The following C5orf22 variants were observed in gnomAD, a reference collection of about 807,000 sequenced individuals.
The protein encoded by C5orf22 is UPF0489 protein C5orf22.
C5orf22 carries 36 observed loss-of-function variants against 48.7 expected under a neutral mutation model. The ratio of observed to expected loss-of-function variants is 0.74; its 90% CI spans 0.57 to 0.98. The LOEUF (loss-of-function observed/expected upper bound fraction) is 0.98. C5orf22 is among the 50% of genes least tolerant of loss of function. The pLI, the probability that C5orf22 is intolerant of heterozygous loss-of-function variation, is 0.00. For synonymous variants in C5orf22, 141 were observed against 180.8 expected (o/e 0.78, Z 1.76); for missense variants, 486 against 521.9 (o/e 0.93, Z 0.67).
chr5:31,550,225 G>A (rs1743165537), intron 7 of C5orf22, among the ~76,000 whole-genome samples: 2 of 152,094 alleles, frequency 1.3e-5, no homozygotes, highest in South Asian at 4.1e-4. Flanking sequence ...TTGCACTTGC[G>A]TACTCTAGGC....
intron 8 of C5orf22, among the ~76,000 whole-genome samples, chr5:31,552,194 T>C (rs10042915): frequency 0.046 from 6,971 of 152,236 alleles, 347 homozygotes; most frequent in African/African-American, 0.13. Flanking sequence ...AATACAGATA[T>C]CTGCCCCAAC....
At position 31,535,839 on chromosome 5, in the gene C5orf22, G is replaced by C; in HGVS notation, c.323G>C (p.Arg108Thr). 6.2e-7 allele frequency: 1 copy of C among 1,613,804 alleles called. No individual in the cohort carries two copies. The change falls in exon 3 of 9, where the codon AGA becomes ACA. Residue 108 changes from arginine to threonine, a missense_variant. Arg to Thr is a moderately conservative substitution (Grantham distance 71). This residue lies in a region of C5orf22 where 408 missense variants were observed against 444.0 expected (regional missense o/e 0.92). Transcript: ENST00000325366. The part of the protein sequence containing the change: ...WFHPTWAQQI[R>T]EGRHHFLVGK... ...CATCCCACATGGGCTCAGCAGATCA[G>C]AGAGGGCAGACACCACTTTTTAGTA...
In C5orf22 at chr5:31,535,822, A is replaced by G. The variant is rs777201268; in HGVS notation, c.306A>G (p.Thr102=). 15 of 1,613,508 alleles carry G rather than the reference A, an allele frequency of 9.3e-6. No homozygotes were observed. Among genetic ancestry groups the G allele is most frequent in the Non-Finnish European group, 1.3e-5 (15 of 1,179,744 alleles). The change falls in exon 3 of 9, where the codon ACA becomes ACG. Residue 102 remains threonine, a synonymous_variant. Transcript: ENST00000325366. ...CACATGTAATATGGTTTCATCCCAC[A>G]TGGGCTCAGCAGATCAGAGAGGGCA... ...HFSHVIWFHP[T]WAQQIREGRH... is the part of the protein sequence containing the mutation.
chr5:31,535,895 T>A lies in C5orf22; in HGVS notation c.377+2T>A, dbSNP rs1245480832. The A allele has an allele frequency of 1.9e-6, 3 of 1,609,610 alleles. No individual in the cohort carries two copies. The African/African-American group carries it at 4.0e-5, about 22-fold the overall frequency. The stretch of plus-strand genomic sequence containing the variant: ...AGACACTTCTACCACAACAATCAGG[T>A]AATTTCCTCATATTTGTGAATATGG... On this transcript the variant is annotated splice_donor_variant, in intron 3 of 8. Coordinates refer to ENST00000325366, the MANE Select transcript of C5orf22 (RefSeq NM_018356.3). LOFTEE classifies it high-confidence loss of function.
At chr5:31,539,955 ATGGGAGGATCACTTGAGCC>A (rs953362038) in intron 4 of C5orf22, among the ~76,000 whole-genome samples, 7 of 152,122 alleles carry the variant, frequency 4.6e-5, no homozygotes, top group African/African-American at 1.7e-4. Context: ...GGAGGCTGAG[ATGGGAGGATCACTTGAGCC>A]TGGGAGGTCA....
intron 1 of C5orf22, 152 bp from the exon 2 acceptor site, chr5:31,534,120 C>A: frequency 3.0e-6 from 2 of 672,300 alleles, no homozygotes; most frequent in South Asian, 2.0e-5. Flanking sequence ...TCTGCACCAT[C>A]TACAGTAAAC....
At chr5:31,551,158 C>T in intron 7 of C5orf22, 135 bp from the exon 8 acceptor site, 1 of 794,352 alleles carries the variant, frequency 1.3e-6, no homozygotes, top group Non-Finnish European at 2.0e-6. Context: ...TATTATGAAT[C>T]ACATGTACCC....
Position 31,532,314 on chromosome 5 carries a change from T to A in C5orf22, c.-79T>A, listed in dbSNP as rs1405626300. ...GGGAGCGCTTCCGCCCGGAGAGAGC[T>A]GGCCGGGATGAGGCGCCGGCTTTCC... On this transcript the variant is annotated 5_prime_UTR_variant, in exon 1 of 9. Transcript: ENST00000325366. 1 of 1,454,388 alleles carries A rather than the reference T, an allele frequency of 6.9e-7. No homozygotes were observed. Among genetic ancestry groups the A allele is most frequent in the Non-Finnish European group, 9.6e-7 (1 of 1,037,422 alleles). The allele number at this position is 1,454,388 out of a possible 1,614,324, so 90.1% of individuals were successfully genotyped here.
rs1743454465 is a variant in C5orf22 at position 31,554,113 on chromosome 5, GTA to G, written c.*1213_*1214del. ...CAATTGGCCAGTCTTCTGATCTTTAGTATCTCTTTAGTTCAGTAATTTTTACC... is the reference window on the plus strand; with the variant it reads ...CAATTGGCCAGTCTTCTGATCTTTAGTCTCTTTAGTTCAGTAATTTTTACC... On this transcript the variant is annotated 3_prime_UTR_variant, in exon 9 of 9. Coordinates refer to ENST00000325366, the MANE Select transcript of C5orf22 (RefSeq NM_018356.3). The G allele has an allele frequency of 6.6e-6, 1 of 152,052 alleles. No homozygotes were observed. The highest frequency in any genetic ancestry group is 1.5e-5 in the Non-Finnish European group (1 of 68,006). The allele number at this position is 152,052 out of a possible 1,614,324, so 9.4% of individuals were successfully genotyped here.
rs964760453 is a variant in C5orf22 at position 31,534,234 on chromosome 5, C to T, written c.82-38C>T. 3 of 1,569,060 alleles carry T rather than the reference C, an allele frequency of 1.9e-6. No individual in the cohort carries two copies. In the African/African-American group the frequency reaches 4.1e-5, roughly 21 times the overall value. Reference sequence around the variant, plus strand: ...GCAGTTGAGTGTGTGCTCATGGTTTCAGTGTTAATTCTTATTGTGTGCCTG... The same window carrying T: ...GCAGTTGAGTGTGTGCTCATGGTTTTAGTGTTAATTCTTATTGTGTGCCTG... On this transcript the variant is annotated intron_variant, in intron 1 of 8. Transcript: ENST00000325366.
In C5orf22 at chr5:31,554,923, G is replaced by C. The variant is rs1212136127; in HGVS notation, c.*2021G>C. ...AATTATGTCTTGCACATTCCAAATAGGAAGGTATTTACTTTATCAAGATGT... is the reference window on the plus strand; with the variant it reads ...AATTATGTCTTGCACATTCCAAATACGAAGGTATTTACTTTATCAAGATGT... On this transcript the variant is annotated 3_prime_UTR_variant, in exon 9 of 9. Coordinates refer to ENST00000325366, the MANE Select transcript of C5orf22 (RefSeq NM_018356.3). 1 of 152,148 alleles carries C rather than the reference G, an allele frequency of 6.6e-6. No individual in the cohort carries two copies. The highest frequency in any genetic ancestry group is 2.4e-5 in the African/African-American group (1 of 41,432). The allele number at this position is 152,148 out of a possible 1,614,324, so 9.4% of individuals were successfully genotyped here.
At chr5:31,538,946 G>T (rs1387175958) in intron 4 of C5orf22, among the ~76,000 whole-genome samples, 1 of 152,094 alleles carries the variant, frequency 6.6e-6, no homozygotes, top group Non-Finnish European at 1.5e-5. Context: ...TCATTATTTT[G>T]CATTTATTAA....
rs567157238 is a variant in C5orf22, at chr5:31,546,938, G to C, written c.1059+1226G>C. ...CAAAACCAATCCTGCCTTCCCAACAGTCCCTCAAAGTCTTAACTTATTTCA... is the reference window on the plus strand; with the variant it reads ...CAAAACCAATCCTGCCTTCCCAACACTCCCTCAAAGTCTTAACTTATTTCA... On this transcript the variant is annotated intron_variant, in intron 7 of 8. Coordinates refer to ENST00000325366, the MANE Select transcript of C5orf22 (RefSeq NM_018356.3). 2.6e-5 allele frequency among the ~76,000 whole-genome samples: 4 copies of C among 152,208 alleles called. No homozygotes were observed. In the South Asian group the frequency reaches 6.2e-4, roughly 24 times the overall value.
chr5:31,548,205 G>A (rs1743015917), intron 7 of C5orf22, among the ~76,000 whole-genome samples: 1 of 152,098 alleles, frequency 6.6e-6, no homozygotes, highest in African/African-American at 2.4e-5. Context: ...AGGAGGTTAA[G>A]GCAGAGAATC....
rs541046380 is a variant in C5orf22, at chr5:31,535,889, A to C, written c.373A>C (p.Ile125Leu). 1.5e-5 allele frequency: 24 copies of C among 1,610,840 alleles called. No individual in the cohort carries two copies. Among genetic ancestry groups the C allele is most frequent in the Non-Finnish European group, 2.0e-5 (24 of 1,179,270 alleles). Residue 125 changes from isoleucine (I) to leucine (L), a missense_variant, in exon 3 of 9, where the codon ATC becomes CTC. Physicochemically the swap from Ile to Leu is conservative, Grantham distance 5. Around this residue, in one of 3 missense-constraint regions of C5orf22, gnomAD observed 408 missense variants for 444.0 expected, o/e 0.92. Transcript: ENST00000325366. ...AGGCAAAGACACTTCTACCACAACA[A>C]TCAGGTAATTTCCTCATATTTGTGA... is the stretch of plus-strand genomic sequence containing the variant. ...LVGKDTSTTTIRVTSTDHYFL... is the reference protein window; with the variant it reads ...LVGKDTSTTTLRVTSTDHYFL...
intron 7 of C5orf22, chr5:31,548,459 T>TA (rs1468835811): frequency 2.7e-6 from 1 of 370,340 alleles, no homozygotes; most frequent in South Asian, 2.1e-5. Context: ...GTCTCTTTGC[T>TA]AAAATATAAC....
At chr5:31,540,853 G>A (rs770511617) in intron 4 of C5orf22, 96 bp from the exon 5 acceptor site, 4 of 833,330 alleles carry the variant, frequency 4.8e-6, no homozygotes, top group South Asian at 1.5e-5. Flanking sequence ...AGATGTTCTT[G>A]TATCACAAGG....
chr5:31,543,936 G>C (rs1007044451), intron 6 of C5orf22, among the ~76,000 whole-genome samples: 24 of 152,104 alleles, frequency 1.6e-4, no homozygotes, highest in African/African-American at 5.5e-4. Flanking sequence ...AGTTTAGACT[G>C]TGCTTGGTAT....
chr5:31,536,514 C>A (rs1006566379), intron 3 of C5orf22, among the ~76,000 whole-genome samples: 7 of 152,092 alleles, frequency 4.6e-5, no homozygotes, highest in African/African-American at 1.7e-4. Flanking sequence ...CAGAGTGAGA[C>A]TCTGTCTCAA....
Sources: gnomAD v4.1 joint callset for allele counts (sites outside exome capture counted in the v4.1 genomes callset) on GRCh38, gnomAD v4.1.1 for gene constraint, gnomAD v4.1.1 regional missense constraint, MANE v1.5 for transcripts, NCBI Gene and HGNC (gene_info 2026-07-23, HGNC 2026-07-21) for gene names.